SSPN: variants seen among roughly 807,000 people sequenced by gnomAD.
SSPN encodes K-ras oncogene-associated protein.
A neutral mutation model predicts 19.1 loss-of-function variants in SSPN; 15 were observed. The observed-to-expected ratio is 0.78, with a 90% CI of 0.52 to 1.21. The LOEUF (loss-of-function observed/expected upper bound fraction) is 1.21, where lower values mean the gene tolerates loss of function less well. Among genes scored for constraint, SSPN ranks in the 50% most tolerant of loss-of-function variants. The pLI is 0.00. For missense variants in SSPN, 291 were observed against 314.0 expected, an observed-to-expected ratio of 0.93 and a Z score of 0.55; for synonymous variants, 147 against 140.3, an observed-to-expected ratio of 1.05 and a Z score of -0.34.
At chr12:26,201,746 A>G (rs1944887859) in intron 1 of SSPN, among the ~76,000 whole-genome samples, 1 of 152,234 alleles carries the variant, frequency 6.6e-6, no homozygotes, top group Admixed American at 6.5e-5. Flanking sequence ...TGATAGAAAT[A>G]CTGGTACATA....
chr12:26,128,963 T>C (rs139950807), intron 1 of SSPN, among the ~76,000 whole-genome samples: 1 of 152,338 alleles, frequency 6.6e-6, no homozygotes, highest in East Asian at 1.9e-4. Flanking sequence ...GAAGGCCTTA[T>C]CCTGTTTGCA....
chr12:26,124,253 GCCCCCC>G, intron 1 of SSPN: 2 of 785,880 alleles, frequency 2.5e-6, no homozygotes, highest in East Asian at 2.8e-5. Flanking sequence ...ACCCTCGTCT[GCCCCCC>G]CCGCCCCCCC....
intron 1 of SSPN, among the ~76,000 whole-genome samples, chr12:26,135,441 G>A (rs566310544): frequency 6.6e-5 from 10 of 152,188 alleles, no homozygotes; most frequent in Non-Finnish European, 1.3e-4. Context: ...GAGGCAAGGA[G>A]CAAAGGGTCA....
intron 2 of SSPN, among the ~76,000 whole-genome samples, chr12:26,226,298 A>T (rs1258217501): frequency 6.6e-6 from 1 of 152,166 alleles, no homozygotes; most frequent in East Asian, 1.9e-4. Context: ...ATGCATCTTC[A>T]TAGGGCGTTT....
intron 1 of SSPN, among the ~76,000 whole-genome samples, chr12:26,186,495 T>C (rs1944755236): frequency 6.6e-6 from 1 of 152,262 alleles, no homozygotes; most frequent in Non-Finnish European, 1.5e-5. Flanking sequence ...ATATCTCTCC[T>C]GCCCTAGAAT....
intron 1 of SSPN, chr12:26,211,188 A>G (rs898874561): frequency 6.6e-6 from 1 of 152,198 alleles, no homozygotes; most frequent in African/African-American, 2.4e-5. Context: ...TTGCTTCACA[A>G]TTCTGTTGGT....
At chr12:26,169,423 G>T (rs1346246221) in intron 1 of SSPN, among the ~76,000 whole-genome samples, 1 of 152,138 alleles carries the variant, frequency 6.6e-6, no homozygotes. Context: ...CATTATAGAA[G>T]GAATACAAAG....
chr12:26,163,123 C>T (rs1244991512), intron 1 of SSPN, among the ~76,000 whole-genome samples: 3 of 151,558 alleles, frequency 2.0e-5, no homozygotes, highest in African/African-American at 7.3e-5. Flanking sequence ...GACCTCAGAA[C>T]TTTGCATGCA....
At chr12:26,226,521 G>T (rs902581957) in intron 2 of SSPN, among the ~76,000 whole-genome samples, 5 of 151,772 alleles carry the variant, frequency 3.3e-5, no homozygotes, top group Non-Finnish European at 7.4e-5. Context: ...TTCTCAAGCT[G>T]GGACAGCCCT....
intron 1 of SSPN, among the ~76,000 whole-genome samples, chr12:26,147,289 T>TTC (rs1944498265): frequency 4.0e-5 from 6 of 151,646 alleles, no homozygotes; most frequent in Admixed American, 2.6e-4. Flanking sequence ...TTTTTTTTTT[T>TTC]TGAGACAGAG....
At chr12:26,125,227 A>G (rs1162214345) in intron 1 of SSPN, 1 of 258,240 alleles carries the variant, frequency 3.9e-6, no homozygotes, top group African/African-American at 2.2e-5. Flanking sequence ...CCGGAAAGGA[A>G]AAACAACTTC....
chr12:26,139,543 A>G (rs967776802), intron 1 of SSPN, among the ~76,000 whole-genome samples: 8 of 152,222 alleles, frequency 5.3e-5, no homozygotes, highest in African/African-American at 1.2e-4. Context: ...ACAATTGGCA[A>G]AATAATAAAT....
At chr12:26,161,335 C>G (rs1944587244) in intron 1 of SSPN, among the ~76,000 whole-genome samples, 2 of 152,028 alleles carry the variant, frequency 1.3e-5, no homozygotes, top group Admixed American at 6.6e-5. Flanking sequence ...TTGAACCCAC[C>G]AGGTACCTAT....
intron 1 of SSPN, among the ~76,000 whole-genome samples, chr12:26,146,083 G>T (rs117502418): frequency 6.6e-6 from 1 of 152,174 alleles, no homozygotes; most frequent in South Asian, 2.1e-4. Context: ...GTGCTGTACC[G>T]TAAATCCAGA....
At chr12:26,202,682 T>A (rs1944896962) in intron 1 of SSPN, among the ~76,000 whole-genome samples, 1 of 152,214 alleles carries the variant, frequency 6.6e-6, no homozygotes, top group Non-Finnish European at 1.5e-5. Flanking sequence ...CTAGATTTGC[T>A]CTTGCCTTTA....
At chr12:26,222,550 A>G (rs1358114708) in intron 1 of SSPN, among the ~76,000 whole-genome samples, 1 of 152,222 alleles carries the variant, frequency 6.6e-6, no homozygotes, top group Non-Finnish European at 1.5e-5. Context: ...ATGACTTGCT[A>G]GGTGACTCTC....
chr12:26,232,689 G>T lies in SSPN; in HGVS notation c.*1613G>T. 1 of 984,976 alleles carries T rather than the reference G, an allele frequency of 1.0e-6. No individual in the cohort carries two copies. Among genetic ancestry groups the T allele is most frequent in the Non-Finnish European group, 1.2e-6 (1 of 829,638 alleles). 61.0% of individuals were successfully genotyped at this position (984,976 alleles called of 1,614,324 possible). On this transcript the variant is annotated 3_prime_UTR_variant, in exon 3 of 3. Coordinates refer to ENST00000242729, the MANE Select transcript of SSPN (RefSeq NM_005086.5). ...CAGTATAAAGGAAAGCGTTAAGTCG[G>T]TAAGCTAGAGGATTGTAAATATCTT... is the stretch of plus-strand genomic sequence containing the variant.
intron 1 of SSPN, among the ~76,000 whole-genome samples, chr12:26,215,078 C>T (rs36034234): frequency 0.16 from 24,689 of 152,064 alleles, 2,701 homozygotes; most frequent in Admixed American, 0.31. Flanking sequence ...TGCCTCAGTT[C>T]CTCTGGGGAT....
upstream of SSPN, among the ~76,000 whole-genome samples, chr12:26,194,136 C>A (rs1019634681): frequency 2.0e-5 from 3 of 152,106 alleles, no homozygotes; most frequent in South Asian, 4.1e-4. Context: ...ATAAATACCC[C>A]CAAAGTGATG....
Sources: allele counts gnomAD v4.1 joint callset (sites outside exome capture counted in the v4.1 genomes callset), GRCh38; gene constraint gnomAD v4.1.1; transcripts MANE v1.5; gene names NCBI Gene and HGNC (gene_info 2026-07-23, HGNC 2026-07-21).